TCF12: variants seen among roughly 807,000 people sequenced by gnomAD.
TCF12 encodes transcription factor 12.
Under a neutral mutation model 86.0 loss-of-function variants are expected in TCF12, and 45 were observed. That is an observed-to-expected ratio of 0.52 (90% CI 0.41 to 0.67). The LOEUF (loss-of-function observed/expected upper bound fraction) is 0.67, where lower values mean the gene tolerates loss of function less well. Ranked by LOEUF, TCF12 falls within the 30% of genes least tolerant of loss-of-function variation. The pLI is 0.00. For missense variants in TCF12, 881 were observed against 859.9 expected, an observed-to-expected ratio of 1.02 and a Z score of -0.31; for synonymous variants, 330 against 299.6, an observed-to-expected ratio of 1.10 and a Z score of -1.05.
intron 8 of TCF12, among the ~76,000 whole-genome samples, chr15:57,215,371 C>G (rs2058289926): frequency 6.6e-6 from 1 of 152,106 alleles, no homozygotes; most frequent in Non-Finnish European, 1.5e-5. Flanking sequence ...TTAAATCTAT[C>G]CTCACCCCTA....
intron 7 of TCF12, among the ~76,000 whole-genome samples, chr15:57,195,509 T>C (rs964770437): frequency 2.0e-5 from 3 of 152,238 alleles, no homozygotes; most frequent in South Asian, 2.1e-4. Flanking sequence ...GTTTTATAAA[T>C]ACAGAGTGTG....
chr15:57,215,469 C>A (rs1597373358), intron 8 of TCF12, among the ~76,000 whole-genome samples: 2 of 152,092 alleles, frequency 1.3e-5, no homozygotes, highest in African/African-American at 4.8e-5. Context: ...CATGTGTCAG[C>A]TTTTAAGTTT....
intron 5 of TCF12, among the ~76,000 whole-genome samples, chr15:57,093,800 A>G (rs1489067593): frequency 6.6e-6 from 1 of 152,236 alleles, no homozygotes; most frequent in Non-Finnish European, 1.5e-5. Flanking sequence ...GTCTTGAAGT[A>G]AATAAATATT....
intron 3 of TCF12, among the ~76,000 whole-genome samples, chr15:57,051,302 G>A (rs2067595829): frequency 6.6e-6 from 1 of 152,104 alleles, no homozygotes; most frequent in African/African-American, 2.4e-5. Context: ...CTTTTAGTTG[G>A]GATTCTTGTA....
At chr15:57,208,695 G>T (rs2057971774) in intron 8 of TCF12, among the ~76,000 whole-genome samples, 1 of 150,544 alleles carries the variant, frequency 6.6e-6, no homozygotes, top group African/African-American at 2.4e-5. Context: ...TGGAAAGAAA[G>T]AACTTAAAAA....
At chr15:56,945,758 T>C (rs369984618) in intron 3 of TCF12, among the ~76,000 whole-genome samples, 48 of 152,320 alleles carry the variant, frequency 3.2e-4, no homozygotes, top group African/African-American at 1.1e-3. Flanking sequence ...TGTAATGGTG[T>C]TAATAGGTAT....
In TCF12 at chr15:57,263,275, G is replaced by T. The variant is rs1474059365; in HGVS notation, c.1745+1G>T. 6.2e-7 allele frequency: 1 copy of T among 1,601,072 alleles called. No individual in the cohort carries two copies. Among genetic ancestry groups the T allele is most frequent in the Non-Finnish European group, 8.5e-7 (1 of 1,177,270 alleles). ...AGGTTTCATCTAGAGGCAGAACAAG[G>T]TATTTGTTAGCATCCAGGTTTTAAA... On this transcript the variant is annotated splice_donor_variant, in intron 18 of 20. Transcript: ENST00000333725. LOFTEE classifies it high-confidence loss of function.
chr15:56,962,025 G>A (rs1249067088), intron 3 of TCF12, among the ~76,000 whole-genome samples: 4 of 151,390 alleles, frequency 2.6e-5, no homozygotes, highest in Non-Finnish European at 4.4e-5. Context: ...CCAGCTACTC[G>A]GAGAGGCTGA....
chr15:56,925,138 G>T (rs1469090972), intron 3 of TCF12, among the ~76,000 whole-genome samples: 1 of 152,132 alleles, frequency 6.6e-6, no homozygotes, highest in South Asian at 2.1e-4. Flanking sequence ...GGCAGAGGTT[G>T]CAGTGACCTG....
intron 3 of TCF12, among the ~76,000 whole-genome samples, chr15:56,998,981 G>A (rs2141029390): frequency 6.6e-6 from 1 of 152,174 alleles, no homozygotes; most frequent in Middle Eastern, 3.4e-3. Flanking sequence ...GGCGGATCAT[G>A]AGGTCAGGAG....
chr15:57,022,253 T>G (rs1327895885), intron 3 of TCF12, among the ~76,000 whole-genome samples: 2 of 152,008 alleles, frequency 1.3e-5, no homozygotes, highest in Non-Finnish European at 2.9e-5. Context: ...GTGTGTGATG[T>G]TCCCCATCCT....
chr15:56,931,547 A>G (rs2060249730), intron 3 of TCF12, among the ~76,000 whole-genome samples: 3 of 152,222 alleles, frequency 2.0e-5, no homozygotes, highest in African/African-American at 7.2e-5. Flanking sequence ...AAGAAGAAAA[A>G]GTAGAGCCAA....
At chr15:57,104,722 C>A (rs2050015173) in intron 5 of TCF12, among the ~76,000 whole-genome samples, 1 of 149,506 alleles carries the variant, frequency 6.7e-6, no homozygotes, top group South Asian at 2.1e-4. Context: ...AGGCATGACC[C>A]ACTGTGCCTG....
chr15:57,268,637 T>G (rs2060980607), intron 18 of TCF12, among the ~76,000 whole-genome samples: 1 of 152,196 alleles, frequency 6.6e-6, no homozygotes, highest in Non-Finnish European at 1.5e-5. Context: ...ATTTCAAGGT[T>G]CTGAGAAGCT....
intron 20 of TCF12, among the ~76,000 whole-genome samples, chr15:57,284,974 G>A (rs1445601383): frequency 6.6e-6 from 1 of 152,170 alleles, no homozygotes; most frequent in Non-Finnish European, 1.5e-5. Context: ...GTTTAAAAAG[G>A]CATCAAGATA....
chr15:57,236,235 C>T (rs2059375213), intron 12 of TCF12, among the ~76,000 whole-genome samples: 1 of 152,188 alleles, frequency 6.6e-6, no homozygotes, highest in Non-Finnish European at 1.5e-5. Context: ...GGACACCTCC[C>T]CAAATACATT....
intron 8 of TCF12, among the ~76,000 whole-genome samples, 197 bp from the exon 9 acceptor site, chr15:57,230,954 TA>T (rs5812874): frequency 1.6e-4 from 24 of 147,442 alleles, no homozygotes; most frequent in Admixed American, 2.7e-4. Context: ...ATAACCAGCT[TA>T]AAAAAAAAAA....
intron 3 of TCF12, among the ~76,000 whole-genome samples, chr15:56,962,269 G>T (rs1244460026): frequency 6.6e-6 from 1 of 152,066 alleles, no homozygotes; most frequent in Non-Finnish European, 1.5e-5. Context: ...GTGTGAAAAC[G>T]ATTGAATTTG....
At chr15:57,001,963 A>G (rs1278175968) in intron 3 of TCF12, among the ~76,000 whole-genome samples, 2 of 152,240 alleles carry the variant, frequency 1.3e-5, no homozygotes, top group Admixed American at 1.3e-4. Flanking sequence ...GAAGGAGAGC[A>G]TGAAACTTTC....
Sources: gnomAD v4.1 joint callset for allele counts (sites outside exome capture counted in the v4.1 genomes callset) on GRCh38, gnomAD v4.1.1 for gene constraint, MANE v1.5 for transcripts, NCBI Gene and HGNC (gene_info 2026-07-23, HGNC 2026-07-21) for gene names.